HSF2BP: variants seen among roughly 807,000 people sequenced by gnomAD.
The protein encoded by HSF2BP is heat shock transcription factor 2 binding protein.
HSF2BP carries 35 observed loss-of-function variants against 35.0 expected under a neutral mutation model. The ratio of observed to expected loss-of-function variants is 1.00; its 90% CI spans 0.76 to 1.32. The LOEUF (loss-of-function observed/expected upper bound fraction) is 1.32. Ranked by LOEUF, HSF2BP falls within the 40% of genes most tolerant of loss-of-function variation. The pLI is 0.00. For missense variants in HSF2BP, 326 were observed against 321.7 expected (o/e 1.01, Z -0.10); for synonymous variants, 114 against 117.4 (o/e 0.97, Z 0.18).
intron 7 of HSF2BP, among the ~76,000 whole-genome samples, chr21:43,608,072 A>T (rs909866328): frequency 4.2e-4 from 64 of 152,208 alleles, no homozygotes; most frequent in African/African-American, 1.4e-3. Flanking sequence ...AAGCAATTGC[A>T]ACAAAACCGA....
intron 4 of HSF2BP, among the ~76,000 whole-genome samples, chr21:43,638,323 T>G (rs2082592086): frequency 6.6e-6 from 1 of 152,002 alleles, no homozygotes; most frequent in African/African-American, 2.4e-5. Flanking sequence ...CCAGGCATGG[T>G]GGCGCACATC....
At chr21:43,584,021 A>AG (rs2081809550) in intron 8 of HSF2BP, among the ~76,000 whole-genome samples, 1 of 110,614 alleles carries the variant, frequency 9.0e-6, no homozygotes, top group African/African-American at 3.6e-5. Context: ...AGGGAGATGA[A>AG]GACCTGCTAA....
intron 3 of HSF2BP, among the ~76,000 whole-genome samples, chr21:43,650,227 G>C (rs2082764574): frequency 6.6e-6 from 1 of 151,256 alleles, no homozygotes; most frequent in Non-Finnish European, 1.5e-5. Flanking sequence ...TTTTTTTTGA[G>C]ACAGAGTCTC....
chr21:43,633,151 G>T, intron 5 of HSF2BP, 121 bp downstream of exon 5: 1 of 1,031,726 alleles, frequency 9.7e-7, no homozygotes, highest in Non-Finnish European at 1.4e-6. Flanking sequence ...ACTAGCTGAT[G>T]AGTGAACAAA....
At chr21:43,634,810 T>C (rs2082529994) in intron 4 of HSF2BP, among the ~76,000 whole-genome samples, 1 of 152,236 alleles carries the variant, frequency 6.6e-6, no homozygotes, top group South Asian at 2.1e-4. Context: ...TCTGGACTCC[T>C]AGATTCATCC....
intron 3 of HSF2BP, among the ~76,000 whole-genome samples, chr21:43,655,683 C>T (rs2082857719): frequency 6.6e-6 from 1 of 152,182 alleles, no homozygotes; most frequent in Non-Finnish European, 1.5e-5. Context: ...AGCAAGGGAA[C>T]CAGGAGAGCC....
chr21:43,650,102 G>A (rs1051609475), intron 3 of HSF2BP, among the ~76,000 whole-genome samples: 63 of 152,154 alleles, frequency 4.1e-4, no homozygotes, highest in African/African-American at 1.5e-3. Flanking sequence ...CACCTTCATT[G>A]TACTTACTGA....
At chr21:43,641,278 C>T (rs1011409730) in intron 4 of HSF2BP, among the ~76,000 whole-genome samples, 9 of 152,080 alleles carry the variant, frequency 5.9e-5, no homozygotes, top group Admixed American at 6.6e-5. Context: ...GGATTACAGG[C>T]GTGAGCCACC....
At chr21:43,644,529 G>C in intron 3 of HSF2BP, 137 bp from the exon 4 acceptor site, 1 of 645,662 alleles carries the variant, frequency 1.5e-6, no homozygotes, top group Non-Finnish European at 2.7e-6. Context: ...TTGACTTCTA[G>C]CCTGTCCTTG....
chr21:43,641,769 G>A (rs1351296994), intron 4 of HSF2BP, among the ~76,000 whole-genome samples: 2 of 151,940 alleles, frequency 1.3e-5, no homozygotes, highest in Middle Eastern at 3.4e-3. Context: ...CCAACATGGC[G>A]AAACCTCATC....
At chr21:43,592,000 A>C (rs1407950189) in intron 8 of HSF2BP, among the ~76,000 whole-genome samples, 1 of 152,146 alleles carries the variant, frequency 6.6e-6, no homozygotes, top group Non-Finnish European at 1.5e-5. Flanking sequence ...TTATTATTAT[A>C]ATTGTTCTAT....
In HSF2BP at chr21:43,656,634, T is replaced by C. The variant is rs377019931; in HGVS notation, c.140A>G (p.Asn47Ser). Reference protein sequence around the residue: ...QIRDFLPRILNGEVLESFQKL... With the variant: ...QIRDFLPRILSGEVLESFQKL... ...CTGGAAGCTCTCCAGCACCTCCCCATTTAGTATTCTGGGTAAGAAGTCCCG... is the reference window on the plus strand; with the variant it reads ...CTGGAAGCTCTCCAGCACCTCCCCACTTAGTATTCTGGGTAAGAAGTCCCG... The change falls in exon 3 of 9, where the codon AAT becomes AGT. Residue 47 changes from asparagine (N) to serine (S), a missense_variant. Coordinates refer to ENST00000291560, the MANE Select transcript of HSF2BP (RefSeq NM_007031.2). The C allele has an allele frequency of 6.2e-7, 1 of 1,613,828 alleles. No homozygotes were observed. Among genetic ancestry groups the C allele is most frequent in the African/African-American group, 1.3e-5 (1 of 75,040 alleles).
chr21:43,595,732 T>TTTTTTTTTTTTG (rs1287621208), intron 7 of HSF2BP, among the ~76,000 whole-genome samples: 1 of 88,386 alleles, frequency 1.1e-5, no homozygotes, highest in Non-Finnish European at 2.0e-5. Context: ...GCTAATTTTT[T>TTTTTTTTTTTTG]TTTTTTTTTT....
Position 43,659,195 on chromosome 21 carries a change from G to A in HSF2BP, c.-225+191C>T, listed in dbSNP as rs2082928928. Among the ~76,000 whole-genome samples, 1 of 152,072 alleles carries A rather than the reference G, an allele frequency of 6.6e-6. No homozygotes were observed. The highest frequency in any genetic ancestry group is 1.5e-5 in the Non-Finnish European group (1 of 68,014). On this transcript the variant is annotated intron_variant, in intron 1 of 8. Transcript: ENST00000291560. This position sits in a 1 kb window ranked among gnomAD's most constrained non-coding sequence, Gnocchi z 4.2. Reference sequence around the variant, plus strand: ...GCCTGTAGTCTCAGCTACTTGGGCGGTCGAGATGGGAGGATCGATCGAGTC... The same window carrying A: ...GCCTGTAGTCTCAGCTACTTGGGCGATCGAGATGGGAGGATCGATCGAGTC...
At chr21:43,603,268 G>GC (rs2082073372) in intron 7 of HSF2BP, among the ~76,000 whole-genome samples, 1 of 152,108 alleles carries the variant, frequency 6.6e-6, no homozygotes, top group Non-Finnish European at 1.5e-5. Context: ...AGCGCTCAGG[G>GC]CCCCCCGCAA....
At chr21:43,643,431 G>C (rs1052173479) in intron 4 of HSF2BP, among the ~76,000 whole-genome samples, 1 of 152,160 alleles carries the variant, frequency 6.6e-6, no homozygotes, top group Non-Finnish European at 1.5e-5. Context: ...TGGAGGGTGA[G>C]TGAGTTCTTG....
chr21:43,619,045 T>C (rs1050479219), intron 6 of HSF2BP, among the ~76,000 whole-genome samples: 1 of 152,132 alleles, frequency 6.6e-6, no homozygotes, highest in Non-Finnish European at 1.5e-5. Context: ...AGTGGCACAA[T>C]CGCAGCTCAC....
At chr21:43,650,068 A>G (rs2082762377) in intron 3 of HSF2BP, among the ~76,000 whole-genome samples, 1 of 152,222 alleles carries the variant, frequency 6.6e-6, no homozygotes, top group Non-Finnish European at 1.5e-5. Context: ...AATCCCTGAT[A>G]CTAAATTTGT....
chr21:43,578,834 T>C (rs2081680930), intron 8 of HSF2BP, among the ~76,000 whole-genome samples: 1 of 152,180 alleles, frequency 6.6e-6, no homozygotes, highest in South Asian at 2.1e-4. Flanking sequence ...GGCTGTCTGC[T>C]CCACCCAGGT....
Sources: allele counts gnomAD v4.1 joint callset (sites outside exome capture counted in the v4.1 genomes callset), GRCh38; gene constraint gnomAD v4.1.1; non-coding constraint Gnocchi (gnomAD v3.1); transcripts MANE v1.5; gene names NCBI Gene and HGNC (gene_info 2026-07-23, HGNC 2026-07-21).